DCC: variants seen among roughly 807,000 people sequenced by gnomAD.
The protein encoded by DCC is netrin receptor DCC.
DCC carries 58 observed loss-of-function variants against 172.5 expected under a neutral mutation model. The observed-to-expected ratio is 0.34, with a 90% CI of 0.27 to 0.42. The LOEUF is 0.42. Among genes scored for constraint, DCC ranks in the 10% least tolerant of loss-of-function variants. The probability of loss-of-function intolerance (pLI) is 1.00; values close to 1 mark genes in which losing one functional copy is unlikely to be tolerated. For synonymous variants in DCC, 709 were observed against 644.5 expected, an observed-to-expected ratio of 1.10 and a Z score of -1.52; for missense variants, 1,740 against 1,791.0, an observed-to-expected ratio of 0.97 and a Z score of 0.51.
At chr18:52,972,533 T>TA (rs961370814) in intron 5 of DCC, among the ~76,000 whole-genome samples, 1 of 142,716 alleles carries the variant, frequency 7.0e-6, no homozygotes, top group Non-Finnish European at 1.5e-5. Context: ...TTTTTTTTTT[T>TA]ACTCTCGCTA....
chr18:53,264,992 A>C (rs1598963366), intron 12 of DCC, among the ~76,000 whole-genome samples: 2 of 152,212 alleles, frequency 1.3e-5, no homozygotes, highest in African/African-American at 4.8e-5. Context: ...GTGTTTGCTG[A>C]GTGTTTTCCT....
intron 1 of DCC, among the ~76,000 whole-genome samples, chr18:52,603,542 A>AT (rs2034060680): frequency 6.6e-6 from 1 of 151,684 alleles, no homozygotes; most frequent in Admixed American, 6.6e-5. Flanking sequence ...AGTTGAGATT[A>AT]TTTTTTAAAA....
At chr18:52,700,134 CGCTCTCTT>C (rs1407709425) in intron 1 of DCC, among the ~76,000 whole-genome samples, 15 of 152,094 alleles carry the variant, frequency 9.9e-5, no homozygotes, top group African/African-American at 2.4e-4. Context: ...TGCGCTCTCT[CGCTCTCTT>C]GCCCCACACA....
rs1344696702 is a variant in DCC at position 52,610,164 on chromosome 18, AAAAAAAAAAAAAAAATATATATATATAT to A, written c.92-141888_92-141861del. On this transcript the variant is annotated intron_variant, in intron 1 of 28. Coordinates refer to ENST00000442544, the MANE Select transcript of DCC (RefSeq NM_005215.4). ...CCCCATCTCTCATAAAAAAAAAAAA[AAAAAAAAAAAAAAAATATATATATATAT>A]ATATATATATATATATATATATATA... Among the ~76,000 whole-genome samples the A allele has an allele frequency of 7.6e-4, 17 of 22,356 alleles. 1 individual carries two copies. Among genetic ancestry groups the A allele is most frequent in the Admixed American group, 3.2e-3 (4 of 1,266 alleles). The allele number at this position is 22,356 out of a possible 152,430, so 14.7% of individuals were successfully genotyped here. A position where few individuals can be genotyped will look rare whatever the true frequency, so the allele number is the denominator to read the frequency against.
intron 1 of DCC, among the ~76,000 whole-genome samples, chr18:52,599,208 TTAAA>T (rs2033968367): frequency 6.6e-6 from 1 of 152,196 alleles, no homozygotes; most frequent in African/African-American, 2.4e-5. Flanking sequence ...GATGCCTTCC[TTAAA>T]TAAAGACTGT....
At chr18:52,940,392 A>C (rs1173094106) in intron 5 of DCC, among the ~76,000 whole-genome samples, 1 of 152,136 alleles carries the variant, frequency 6.6e-6, no homozygotes, top group African/African-American at 2.4e-5. Flanking sequence ...TTTCACTCAA[A>C]TTCTTAAAAT....
At chr18:53,154,377 C>T (rs116392701) in intron 7 of DCC, among the ~76,000 whole-genome samples, 215 of 152,260 alleles carry the variant, frequency 1.4e-3, no homozygotes, top group African/African-American at 4.2e-3. Context: ...GCCTTGTTTA[C>T]GGAGAAAGCC....
At position 53,534,731 on chromosome 18, in the gene DCC, A is replaced by G. The variant is rs2144650937; in HGVS notation, c.*4078A>G. On this transcript the variant is annotated 3_prime_UTR_variant, in exon 29 of 29. Transcript: ENST00000442544. ...TGCTATCTAAATACCTGTTGCCAAA[A>G]AGTATTGATTTGGGAAAAAAAATGC... The G allele has an allele frequency of 6.6e-6, 1 of 152,282 alleles. No individual in the cohort carries two copies. The highest frequency in any genetic ancestry group is 2.4e-5 in the African/African-American group (1 of 41,570). The allele number at this position is 152,282 out of a possible 1,614,324, so 9.4% of individuals were successfully genotyped here. A position where few individuals can be genotyped will look rare whatever the true frequency, so the allele number is the denominator to read the frequency against.
intron 25 of DCC, among the ~76,000 whole-genome samples, chr18:53,470,561 T>A (rs1423348035): frequency 1.3e-5 from 2 of 152,184 alleles, no homozygotes; most frequent in Non-Finnish European, 2.9e-5. Context: ...TTAGTCCGTT[T>A]TCACACTGCT....
chr18:53,280,023 C>T (rs2056852875), intron 12 of DCC, among the ~76,000 whole-genome samples: 1 of 151,966 alleles, frequency 6.6e-6, no homozygotes, highest in East Asian at 1.9e-4. Context: ...ATAATCTATA[C>T]CAAGCCCCTA....
At chr18:53,450,270 C>A (rs1418596403) in intron 22 of DCC, among the ~76,000 whole-genome samples, 1 of 152,056 alleles carries the variant, frequency 6.6e-6, no homozygotes, top group African/African-American at 2.4e-5. Context: ...CTGAACAGTG[C>A]TACTATGAAC....
chr18:53,275,194 T>C (rs533581568), intron 12 of DCC, among the ~76,000 whole-genome samples: 1 of 152,210 alleles, frequency 6.6e-6, no homozygotes, highest in South Asian at 2.1e-4. Flanking sequence ...AGATAAAACA[T>C]GCATTGAAAA....
At chr18:53,465,751 TTTTA>T (rs3061298) in intron 24 of DCC, among the ~76,000 whole-genome samples, 8 of 151,304 alleles carry the variant, frequency 5.3e-5, no homozygotes, top group African/African-American at 7.3e-5. Flanking sequence ...TTTCTATTCT[TTTTA>T]TTTATTTATT....
At chr18:53,127,175 T>A (rs778252743) in intron 7 of DCC, among the ~76,000 whole-genome samples, 1 of 151,496 alleles carries the variant, frequency 6.6e-6, no homozygotes, top group Admixed American at 6.6e-5. Context: ...TTTTCATTTT[T>A]AATTTTTTTT....
intron 8 of DCC, among the ~76,000 whole-genome samples, chr18:53,172,696 C>T (rs1354763141): frequency 2.0e-5 from 3 of 152,056 alleles, no homozygotes; most frequent in South Asian, 2.1e-4. Flanking sequence ...AAATGATTCA[C>T]AGCAGATGAT....
At chr18:53,436,563 A>G (rs1911953789) in intron 22 of DCC, among the ~76,000 whole-genome samples, 1 of 152,238 alleles carries the variant, frequency 6.6e-6, no homozygotes, top group South Asian at 2.1e-4. Flanking sequence ...ATATATATAT[A>G]TACAGAGTAC....
At chr18:53,448,062 T>TTTTG (rs1220380224) in intron 22 of DCC, among the ~76,000 whole-genome samples, 62 of 151,124 alleles carry the variant, frequency 4.1e-4, no homozygotes, top group African/African-American at 1.4e-3. Context: ...TTTTTTTTTT[T>TTTTG]TTTTTTTTAC....
intron 1 of DCC, among the ~76,000 whole-genome samples, chr18:52,368,492 G>T (rs1984975874): frequency 6.6e-6 from 1 of 152,150 alleles, no homozygotes; most frequent in Non-Finnish European, 1.5e-5. Flanking sequence ...AGCTCCCTAT[G>T]CGTCATTCTG....
chr18:53,205,902 A>G (rs1489209468), intron 10 of DCC, among the ~76,000 whole-genome samples: 1 of 152,000 alleles, frequency 6.6e-6, no homozygotes, highest in Non-Finnish European at 1.5e-5. Flanking sequence ...TAGACACCTG[A>G]AAAGAAGCAA....
Sources: allele counts gnomAD v4.1 joint callset (sites outside exome capture counted in the v4.1 genomes callset), GRCh38; gene constraint gnomAD v4.1.1; transcripts MANE v1.5; gene names NCBI Gene and HGNC (gene_info 2026-07-23, HGNC 2026-07-21).